Variants in NFIB observed in about 807,000 individuals in gnomAD.
NFIB encodes the protein nuclear factor I B.
In NFIB, 11 loss-of-function variants were observed where a neutral mutation model predicts 61.5. The observed-to-expected ratio is 0.18, with a 90% CI of 0.11 to 0.30. The LOEUF is 0.30. Among genes scored for constraint, NFIB ranks in the 10% least tolerant of loss-of-function variants. The pLI, the probability that NFIB is intolerant of heterozygous loss-of-function variation, is 1.00. For synonymous variants in NFIB, 260 were observed against 216.5 expected, an observed-to-expected ratio of 1.20 and a Z score of -1.76; for missense variants, 471 against 608.9, an observed-to-expected ratio of 0.77 and a Z score of 2.38.
chr9:14,169,229 T>C (rs945345356), intron 3 of NFIB, among the ~76,000 whole-genome samples: 18 of 152,134 alleles, frequency 1.2e-4, no homozygotes, highest in African/African-American at 4.3e-4. Flanking sequence ...GAAGTGATGA[T>C]TTTAATAAGA....
intron 8 of NFIB, among the ~76,000 whole-genome samples, chr9:14,118,491 T>A (rs1587345403): frequency 6.6e-6 from 1 of 152,092 alleles, no homozygotes; most frequent in Non-Finnish European, 1.5e-5. Context: ...AAGAAAGAAT[T>A]CCCAAGTCAA....
chr9:14,354,796 G>C (rs952206504), intron 1 of NFIB, among the ~76,000 whole-genome samples: 1 of 151,692 alleles, frequency 6.6e-6, no homozygotes, highest in African/African-American at 2.4e-5. Flanking sequence ...GTGTGTGTGT[G>C]TGTGTGTGTG....
In NFIB at chr9:14,307,384, G is replaced by A. The variant is rs1301723697; in HGVS notation, c.167C>T (p.Ala56Val). The A allele has an allele frequency of 6.2e-7, 1 of 1,613,852 alleles. No homozygotes were observed. The highest frequency in any genetic ancestry group is 8.5e-7 in the Non-Finnish European group (1 of 1,180,000). ...TTCACTGAGAAGCTCATCTTTGACTGCTCTTTCTTCATCCTTTGACATTCG... is the reference window on the plus strand; with the variant it reads ...TTCACTGAGAAGCTCATCTTTGACTACTCTTTCTTCATCCTTTGACATTCG... ...EKRMSKDEERAVKDELLSEKP... is the reference protein window; with the variant it reads ...EKRMSKDEERVVKDELLSEKP... Residue 56 changes from alanine to valine, a missense_variant, in exon 2 of 11, where the codon GCA (alanine) becomes GTA (valine). Ala to Val is a moderately conservative substitution (Grantham distance 64). This residue lies in a region of NFIB where 99 missense variants were observed against 213.3 expected (regional missense o/e 0.46). Transcript: ENST00000380953. This position sits in a 1 kb window ranked among gnomAD's most constrained non-coding sequence, Gnocchi z 5.3.
At chr9:14,129,359 T>G (rs923512338) in intron 6 of NFIB, among the ~76,000 whole-genome samples, 24 of 124,614 alleles carry the variant, frequency 1.9e-4, no homozygotes, top group African/African-American at 7.0e-4. Context: ...GCTAAGAACT[T>G]AGGAAGATAC....
intron 1 of NFIB, among the ~76,000 whole-genome samples, chr9:14,386,770 T>G (rs549162333): frequency 2.0e-5 from 3 of 152,322 alleles, no homozygotes; most frequent in African/African-American, 7.2e-5. Flanking sequence ...AAGACAGCCT[T>G]GGAGACTGGA....
chr9:14,439,186 C>T, the NFIB span, among the ~76,000 whole-genome samples: 1 of 152,006 alleles, frequency 6.6e-6, no homozygotes, highest in Non-Finnish European at 1.5e-5. Context: ...GCTTGGGCAA[C>T]AAAGTGAAAT....
the NFIB span, among the ~76,000 whole-genome samples, chr9:14,517,824 T>C: frequency 6.6e-6 from 1 of 152,312 alleles, no homozygotes; most frequent in Non-Finnish European, 1.5e-5. Flanking sequence ...ATGCTCTCTC[T>C]TGCCACTGGA....
At chr9:14,519,908 TA>T in the NFIB span, among the ~76,000 whole-genome samples, 1 of 152,198 alleles carries the variant, frequency 6.6e-6, no homozygotes. Context: ...CCTCTCTACA[TA>T]ACCTGAAACA....
At chr9:14,095,644 A>C (rs930120171) in intron 10 of NFIB, among the ~76,000 whole-genome samples, 1 of 152,300 alleles carries the variant, frequency 6.6e-6, no homozygotes, top group Admixed American at 6.5e-5. Flanking sequence ...TAAATCAAAT[A>C]GAAATATAAG....
the NFIB span, among the ~76,000 whole-genome samples, chr9:14,510,101 G>A: frequency 3.3e-5 from 5 of 152,116 alleles, no homozygotes; most frequent in East Asian, 7.7e-4. Flanking sequence ...TCACCATATT[G>A]GCCAGGCAGA....
chr9:14,494,952 T>G, the NFIB span, among the ~76,000 whole-genome samples: 1 of 152,226 alleles, frequency 6.6e-6, no homozygotes, highest in Non-Finnish European at 1.5e-5. Flanking sequence ...TTTTCTGTTT[T>G]CAAATTCTGG....
intron 2 of NFIB, among the ~76,000 whole-genome samples, chr9:14,203,381 C>T (rs1431933787): frequency 1.3e-5 from 2 of 152,134 alleles, no homozygotes; most frequent in African/African-American, 4.8e-5. Context: ...TGCATAAACC[C>T]GGTTAATTGA....
the NFIB span, among the ~76,000 whole-genome samples, chr9:14,423,008 A>G: frequency 1.3e-5 from 2 of 152,324 alleles, no homozygotes; most frequent in East Asian, 1.9e-4. Context: ...TTTAAGAGCT[A>G]TATGGATTCA....
chr9:14,294,751 T>A (rs1428659060), intron 2 of NFIB, among the ~76,000 whole-genome samples: 1 of 152,232 alleles, frequency 6.6e-6, no homozygotes, highest in East Asian at 1.9e-4. Flanking sequence ...AACCCCTAGG[T>A]ACGTGATACA....
At position 14,120,356 on chromosome 9, in the gene NFIB, ACTGT is replaced by A. The variant is rs1402949120; in HGVS notation, c.1245+80_1245+83del. ...CAAGGCTTGACGTTCTGCCAGACAC[ACTGT>A]CTGACTAACCTTTGTGTCTCAGAAT... On this transcript the variant is annotated intron_variant, in intron 8 of 10. Transcript: ENST00000380953. The surrounding 1 kb of genome is among the most constrained non-coding windows in gnomAD (Gnocchi z 4.4). The A allele has an allele frequency of 1.0e-5, 14 of 1,404,962 alleles. No homozygotes were observed. The highest frequency in any genetic ancestry group is 1.3e-5 in the Non-Finnish European group (13 of 993,280). The allele number at this position is 1,404,962 out of a possible 1,614,324, so 87.0% of individuals were successfully genotyped here.
At chr9:14,454,851 G>A in the NFIB span, among the ~76,000 whole-genome samples, 7 of 152,262 alleles carry the variant, frequency 4.6e-5, no homozygotes, top group East Asian at 3.9e-4. Flanking sequence ...AAGCTTTAAA[G>A]GTTTTCATAT....
In NFIB at chr9:14,313,272, G is replaced by A. The variant is rs1208826219; in HGVS notation, c.30+210C>T. ...GCCCAGCGCCCGCGCTCCGTGCCCA[G>A]GGCGCGGGGCTGGGCGCTCGCAGTG... On this transcript the variant is annotated intron_variant, in intron 1 of 10. Coordinates refer to ENST00000380953, the MANE Select transcript of NFIB (RefSeq NM_001190737.2). This position sits in a 1 kb window ranked among gnomAD's most constrained non-coding sequence, Gnocchi z 4.5. Among the ~76,000 whole-genome samples the A allele has an allele frequency of 1.3e-5, 2 of 151,480 alleles. No homozygotes were observed. The highest frequency in any genetic ancestry group is 4.8e-5 in the African/African-American group (2 of 41,360).
At chr9:14,224,633 G>A (rs746443398) in intron 2 of NFIB, among the ~76,000 whole-genome samples, 38 of 152,226 alleles carry the variant, frequency 2.5e-4, no homozygotes, top group Non-Finnish European at 4.4e-4. Flanking sequence ...GGTATTGTAA[G>A]TAGAGATGAA....
chr9:14,123,993 T>C (rs1192252030), intron 7 of NFIB, among the ~76,000 whole-genome samples: 1 of 152,182 alleles, frequency 6.6e-6, no homozygotes, highest in East Asian at 1.9e-4. Context: ...CTTCAGGTTA[T>C]CTAGTCATGT....
Sources: gnomAD v4.1 joint callset for allele counts (sites outside exome capture counted in the v4.1 genomes callset) on GRCh38, gnomAD v4.1.1 for gene constraint, gnomAD v4.1.1 regional missense constraint, Gnocchi (gnomAD v3.1) non-coding constraint, MANE v1.5 for transcripts, NCBI Gene and HGNC (gene_info 2026-07-23, HGNC 2026-07-21) for gene names.